KLRG1: variants seen among roughly 807,000 people sequenced by gnomAD.
KLRG1 encodes killer cell lectin like receptor G1.
KLRG1 carries 16 observed loss-of-function variants against 21.8 expected under a neutral mutation model. The observed-to-expected ratio is 0.73, with a 90% CI of 0.50 to 1.11. The LOEUF is 1.11. Ranked by LOEUF, KLRG1 falls within the 50% of genes most tolerant of loss-of-function variation. The pLI is 0.00. For synonymous variants in KLRG1, 69 were observed against 75.9 expected (o/e 0.91, Z 0.47); for missense variants, 173 against 218.3 (o/e 0.79, Z 1.31).
the KLRG1 span, chr12:9,080,438 C>T: frequency 3.9e-6 from 1 of 254,536 alleles, no homozygotes; most frequent in East Asian, 7.8e-5. Context: ...ATTGTAAGAG[C>T]CTGGTGATGT....
At chr12:9,195,654 A>G in the KLRG1 span, among the ~76,000 whole-genome samples, 5 of 114,684 alleles carry the variant, frequency 4.4e-5, no homozygotes, top group African/African-American at 1.4e-4. Context: ...GAGTCTTACT[A>G]TGTTACTAGG....
In KLRG1 at chr12:8,982,738, T is replaced by C. The variant is rs1298517282; in HGVS notation, c.-155-9468T>C. ...TTGGCTCACTGCAACCTCCACCTTT[T>C]GGGTTCAAGCAATTCTCCTGCCTCA... On this transcript the variant is annotated intron_variant, in intron 1 of 4. Coordinates refer to the KLRG1 transcript ENST00000539240. Among the ~76,000 whole-genome samples the C allele has an allele frequency of 7.2e-5, 11 of 152,008 alleles. No individual in the cohort carries two copies. In the East Asian group the frequency reaches 2.1e-3, roughly 29 times the overall value.
the KLRG1 span, chr12:9,069,807 T>C: frequency 6.2e-7 from 1 of 1,613,542 alleles, no homozygotes; most frequent in Non-Finnish European, 8.5e-7. Flanking sequence ...TGGTTAGATC[T>C]TTCAAGCTGA....
At chr12:9,004,051 G>C (rs1450673454) in intron 3 of KLRG1, among the ~76,000 whole-genome samples, 1 of 151,842 alleles carries the variant, frequency 6.6e-6, no homozygotes, top group Admixed American at 6.6e-5. Flanking sequence ...TTTTATGGCT[G>C]CATAGTATTC....
At chr12:9,107,982 C>G in the KLRG1 span, among the ~76,000 whole-genome samples, 1 of 151,244 alleles carries the variant, frequency 6.6e-6, no homozygotes, top group Non-Finnish European at 1.5e-5. Flanking sequence ...CAAAACAGAA[C>G]AAAAAAAACC....
the KLRG1 span, chr12:9,066,311 C>T: frequency 4.5e-4 from 68 of 152,426 alleles, no homozygotes; most frequent in Non-Finnish European, 2.1e-4. Context: ...CTCTTTGGGG[C>T]CCTGGTTGGC....
At chr12:9,002,569 TTTG>T (rs142307481) in intron 3 of KLRG1, among the ~76,000 whole-genome samples, 47,017 of 150,936 alleles carry the variant, frequency 0.31, 7,804 homozygotes, top group East Asian at 0.39. Flanking sequence ...TACCTATACT[TTTG>T]TTGTTGTTGT....
chr12:8,983,593 G>T (rs891187870), intron 1 of KLRG1, among the ~76,000 whole-genome samples: 5 of 151,822 alleles, frequency 3.3e-5, no homozygotes, highest in Non-Finnish European at 7.4e-5. Flanking sequence ...TAGAGACGGG[G>T]TTTCACCATG....
At chr12:9,071,570 T>G in the KLRG1 span, among the ~76,000 whole-genome samples, 1 of 152,182 alleles carries the variant, frequency 6.6e-6, no homozygotes, top group Non-Finnish European at 1.5e-5. Flanking sequence ...ATTGTTGTTT[T>G]TTTCTGATCT....
At chr12:9,092,109 T>C in the KLRG1 span, among the ~76,000 whole-genome samples, 2 of 152,134 alleles carry the variant, frequency 1.3e-5, no homozygotes, top group East Asian at 3.9e-4. Flanking sequence ...TAGCCTGCAC[T>C]GGGAAGCAGA....
At chr12:9,167,007 C>T in the KLRG1 span, 3 of 152,184 alleles carry the variant, frequency 2.0e-5, no homozygotes, top group Non-Finnish European at 4.4e-5. Context: ...CTAGCAATTT[C>T]ACCCTAACAG....
chr12:9,157,448 G>T, the KLRG1 span: 11 of 1,222,978 alleles, frequency 9.0e-6, no homozygotes, highest in African/African-American at 1.5e-4. Context: ...GTTATTAATA[G>T]ATTTCAGACA....
the KLRG1 span, chr12:9,151,731 G>T: frequency 7.3e-7 from 1 of 1,365,264 alleles, no homozygotes; most frequent in Admixed American, 1.8e-5. Context: ...AATGGTGTGA[G>T]ATCTAGAGCA....
At chr12:9,157,050 T>C in the KLRG1 span, 2 of 818,954 alleles carry the variant, frequency 2.4e-6, no homozygotes, top group Admixed American at 5.6e-5. Flanking sequence ...AGGTCCCCCA[T>C]GCATTAGCTA....
At chr12:9,039,244 A>C in the KLRG1 span, among the ~76,000 whole-genome samples, 1 of 152,196 alleles carries the variant, frequency 6.6e-6, no homozygotes. Context: ...GTTGTTTTTG[A>C]TGGCTACTCT....
the KLRG1 span, chr12:9,076,805 G>A: frequency 1.2e-6 from 2 of 1,613,776 alleles, no homozygotes; most frequent in African/African-American, 2.7e-5. Context: ...CCTTCCTCTT[G>A]TCCTGGTTAC....
chr12:9,107,626 A>C, the KLRG1 span: 1 of 1,613,970 alleles, frequency 6.2e-7, no homozygotes, highest in East Asian at 2.2e-5. Flanking sequence ...GTCCAGGGAC[A>C]GGCTTCCCAT....
chr12:9,001,668 CT>C (rs1192496481), intron 3 of KLRG1, among the ~76,000 whole-genome samples: 2 of 152,160 alleles, frequency 1.3e-5, no homozygotes, highest in African/African-American at 4.8e-5. Context: ...GTAACTTCCC[CT>C]AATAGATGCT....
the KLRG1 span, chr12:9,196,526 A>T: frequency 6.3e-7 from 1 of 1,574,810 alleles, no homozygotes; most frequent in East Asian, 2.2e-5. Context: ...TTGTTATGGA[A>T]AGTAAACTAT....
Sources: allele counts gnomAD v4.1 joint callset (sites outside exome capture counted in the v4.1 genomes callset), GRCh38; gene constraint gnomAD v4.1.1; transcripts MANE v1.5; gene names NCBI Gene and HGNC (gene_info 2026-07-23, HGNC 2026-07-21).